The following TMTC1 variants were observed in gnomAD, a reference collection of about 807,000 sequenced individuals.
TMTC1 encodes the protein protein O-mannosyl-transferase TMTC1.
A neutral mutation model predicts 104.8 loss-of-function variants in TMTC1; 73 were observed. The observed-to-expected ratio is 0.70, with a 90% confidence interval of 0.58 to 0.85. The LOEUF is 0.85. TMTC1 is among the 40% of genes least tolerant of loss of function. The probability of loss-of-function intolerance (pLI) is 0.00; values close to 1 mark genes in which losing one functional copy is unlikely to be tolerated. For missense variants in TMTC1, 1,035 were observed against 1,096.1 expected (o/e 0.94, Z 0.79); for synonymous variants, 434 against 428.7 (o/e 1.01, Z -0.15).
chr12:29,655,872 A>C (rs1209397448), intron 5 of TMTC1, among the ~76,000 whole-genome samples: 1 of 152,240 alleles, frequency 6.6e-6, no homozygotes, highest in Non-Finnish European at 1.5e-5. Flanking sequence ...AGCTAAACTG[A>C]AAACTCTCAC....
At chr12:29,508,697 C>T (rs1052878560) in intron 17 of TMTC1, among the ~76,000 whole-genome samples, 1 of 152,212 alleles carries the variant, frequency 6.6e-6, no homozygotes, top group East Asian at 1.9e-4. Context: ...CCTCAGCCTC[C>T]CGAGTAGCTG....
chr12:29,633,399 A>C, intron 5 of TMTC1, 63 bp from the exon 6 acceptor site: 1 of 1,368,892 alleles, frequency 7.3e-7, no homozygotes, highest in Non-Finnish European at 1.0e-6. Flanking sequence ...GTAAGCGTTC[A>C]GTCACCATAT....
chr12:29,509,565 C>A (rs762366984), intron 17 of TMTC1, among the ~76,000 whole-genome samples: 19 of 152,176 alleles, frequency 1.2e-4, no homozygotes, highest in Admixed American at 3.9e-4. Context: ...TCATAATTAT[C>A]TTTTAGGCTT....
At chr12:29,584,529 T>A (rs1157148718) in intron 7 of TMTC1, among the ~76,000 whole-genome samples, 2 of 152,070 alleles carry the variant, frequency 1.3e-5, no homozygotes, top group African/African-American at 4.8e-5. Context: ...GTCACGTTGG[T>A]GTGCTGCACC....
chr12:29,580,803 C>G (rs1398192740), intron 8 of TMTC1, among the ~76,000 whole-genome samples: 1 of 152,288 alleles, frequency 6.6e-6, no homozygotes, highest in East Asian at 1.9e-4. Flanking sequence ...ACCCACCTAC[C>G]TGTACTTATA....
At chr12:29,616,707 GC>G in intron 6 of TMTC1, among the ~76,000 whole-genome samples, 1 of 148,994 alleles carries the variant, frequency 6.7e-6, no homozygotes, top group East Asian at 2.0e-4. Context: ...CTGCTGTTCA[GC>G]CCTTTGTAGA....
intron 5 of TMTC1, among the ~76,000 whole-genome samples, chr12:29,644,106 T>TATATAA (rs1591851577): frequency 2.5e-4 from 11 of 43,562 alleles, no homozygotes; most frequent in East Asian, 1.2e-3. Context: ...AATATATAAA[T>TATATAA]ATATATGTGT....
intron 11 of TMTC1, among the ~76,000 whole-genome samples, chr12:29,527,826 C>A (rs892413005): frequency 6.6e-6 from 1 of 152,136 alleles, no homozygotes; most frequent in African/African-American, 2.4e-5. Context: ...TTTATTTTTG[C>A]ATCCATTAGC....
At position 29,536,333 on chromosome 12, in the gene TMTC1, A is replaced by G; in HGVS notation, c.1677-16T>C. 1 of 1,479,032 alleles carries G rather than the reference A, an allele frequency of 6.8e-7. No homozygotes were observed. The highest frequency in any genetic ancestry group is 1.2e-5 in the South Asian group (1 of 85,520). 91.6% of individuals were successfully genotyped at this position (1,479,032 alleles called of 1,614,324 possible). A position where few individuals can be genotyped will look rare whatever the true frequency, so the allele number is the denominator to read the frequency against. ...CTCCTGGGACCTATAGATAATAATG[A>G]AGGGGTGGGGGAGAACATCTTTTAA... On this transcript the variant is annotated splice_polypyrimidine_tract_variant and intron_variant, in intron 10 of 17. Transcript: ENST00000539277.
chr12:29,743,499 C>G (rs1942878479), intron 5 of TMTC1, among the ~76,000 whole-genome samples: 2 of 151,714 alleles, frequency 1.3e-5, no homozygotes, highest in South Asian at 4.2e-4. Context: ...AATGTCCTTC[C>G]AAACCTCTTC....
rs551564200 is a variant in TMTC1, at chr12:29,573,754, A to G, written c.1419-1536T>C. On this transcript the variant is annotated intron_variant, in intron 8 of 17. Transcript: ENST00000539277. ...GCTTTTGAGGGACTGGAAGAAATTCAGAGTCGCTGGATCATGCTAAGTCTT... is the reference window on the plus strand; with the variant it reads ...GCTTTTGAGGGACTGGAAGAAATTCGGAGTCGCTGGATCATGCTAAGTCTT... Among the ~76,000 whole-genome samples the G allele has an allele frequency of 3.9e-5, 6 of 152,288 alleles. 1 individual carries two copies. The East Asian group carries it at 1.2e-3, about 29-fold the overall frequency.
At chr12:29,659,061 T>C (rs1939890267) in intron 5 of TMTC1, among the ~76,000 whole-genome samples, 1 of 152,226 alleles carries the variant, frequency 6.6e-6, no homozygotes. Context: ...ATTAACTGTA[T>C]CTTAGCAAAA....
At chr12:29,653,695 C>A (rs1439006308) in intron 5 of TMTC1, among the ~76,000 whole-genome samples, 4 of 152,162 alleles carry the variant, frequency 2.6e-5, no homozygotes, top group Admixed American at 6.5e-5. Context: ...GCTAATACAT[C>A]TGAATGTCTG....
intron 11 of TMTC1, chr12:29,534,585 T>C (rs187205300): frequency 6.6e-6 from 1 of 152,332 alleles, no homozygotes; most frequent in Non-Finnish European, 1.5e-5. Flanking sequence ...AAATAAGCCA[T>C]CTGACACTTC....
chr12:29,659,881 T>C, intron 5 of TMTC1: 1 of 1,532,456 alleles, frequency 6.5e-7, no homozygotes, highest in Non-Finnish European at 8.7e-7. Flanking sequence ...TATACTAACC[T>C]CGTAAGAATG....
intron 8 of TMTC1, among the ~76,000 whole-genome samples, chr12:29,582,234 T>G (rs1469527586): frequency 6.6e-6 from 1 of 152,218 alleles, no homozygotes. Context: ...GTTCTTTCAC[T>G]CATTCATTCA....
chr12:29,556,591 G>A (rs1255003225), intron 10 of TMTC1, among the ~76,000 whole-genome samples: 7 of 152,160 alleles, frequency 4.6e-5, no homozygotes, highest in Non-Finnish European at 8.8e-5. Context: ...ATCTGACCAT[G>A]TAACACTTTT....
chr12:29,736,015 G>C (rs754413538), intron 5 of TMTC1, among the ~76,000 whole-genome samples: 5 of 152,126 alleles, frequency 3.3e-5, no homozygotes, highest in Non-Finnish European at 7.3e-5. Context: ...GGATTCCTGT[G>C]GGTACATTTT....
rs1440523657 is a variant in TMTC1, at chr12:29,506,140, T to C, written c.*706A>G. The C allele has an allele frequency of 6.6e-6, 1 of 151,594 alleles. No homozygotes were observed. The highest frequency in any genetic ancestry group is 1.5e-5 in the Non-Finnish European group (1 of 67,628). 9.4% of individuals were successfully genotyped at this position (151,594 alleles called of 1,614,324 possible). On this transcript the variant is annotated 3_prime_UTR_variant, in exon 18 of 18. Coordinates refer to ENST00000539277, the MANE Select transcript of TMTC1 (RefSeq NM_001193451.2). ...AGTAATACTTGTAATAAAATTAAAA[T>C]AGTTTTAAACACTTCCATAAAGAAT... is the stretch of plus-strand genomic sequence containing the variant.
Sources: allele counts gnomAD v4.1 joint callset (sites outside exome capture counted in the v4.1 genomes callset), GRCh38; gene constraint gnomAD v4.1.1; transcripts MANE v1.5; gene names NCBI Gene and HGNC (gene_info 2026-07-23, HGNC 2026-07-21).